The following CFAP54 variants were observed in gnomAD, a reference collection of about 807,000 sequenced individuals.
The protein encoded by CFAP54 is cilia- and flagella-associated protein 54.
In CFAP54, 290 loss-of-function variants were observed where a neutral mutation model predicts 370.4. That is an observed-to-expected ratio of 0.78 (90% CI 0.71 to 0.86). The LOEUF (loss-of-function observed/expected upper bound fraction) is 0.86. Ranked by LOEUF, CFAP54 falls within the 40% of genes least tolerant of loss-of-function variation. CFAP54 has a pLI of 0.00. For missense variants in CFAP54, 3,399 were observed against 3,528.7 expected (o/e 0.96, Z 0.93); for synonymous variants, 1,206 against 1,236.5 (o/e 0.98, Z 0.52).
At chr12:96,585,522 A>G (rs1350664955) in intron 22 of CFAP54, among the ~76,000 whole-genome samples, 2 of 151,726 alleles carry the variant, frequency 1.3e-5, no homozygotes, top group Non-Finnish European at 2.9e-5. Context: ...CCCCCACTTC[A>G]CAGACCTAAG....
At chr12:96,616,446 G>T in intron 26 of CFAP54, among the ~76,000 whole-genome samples, 1 of 152,228 alleles carries the variant, frequency 6.6e-6, no homozygotes, top group Admixed American at 6.5e-5. Flanking sequence ...CACCAACATG[G>T]CACATGTAGA....
chr12:96,555,114 TA>T (rs1213580122), intron 17 of CFAP54: 1 of 183,238 alleles, frequency 5.5e-6, no homozygotes, highest in Non-Finnish European at 1.1e-5. Flanking sequence ...CCAGGCATCG[TA>T]TTAGGCTAGG....
chr12:96,546,973 C>T (rs1180107577), intron 14 of CFAP54, among the ~76,000 whole-genome samples: 1 of 152,114 alleles, frequency 6.6e-6, no homozygotes, highest in African/African-American at 2.4e-5. Flanking sequence ...TTCTGAAGAG[C>T]TGATCAATAT....
intron 48 of CFAP54, among the ~76,000 whole-genome samples, chr12:96,716,897 A>T (rs1957687837): frequency 6.6e-6 from 1 of 152,152 alleles, no homozygotes; most frequent in African/African-American, 2.4e-5. Context: ...TGAAACACAG[A>T]TCCTAGATAT....
intron 14 of CFAP54, among the ~76,000 whole-genome samples, chr12:96,541,584 C>A (rs1955573524): frequency 6.6e-6 from 1 of 152,112 alleles, no homozygotes; most frequent in African/African-American, 2.4e-5. Flanking sequence ...CTGCACCCAA[C>A]CACCTCTCCT....
intron 20 of CFAP54, among the ~76,000 whole-genome samples, chr12:96,577,143 GT>G (rs1163391397): frequency 6.6e-6 from 1 of 152,194 alleles, no homozygotes; most frequent in East Asian, 1.9e-4. Flanking sequence ...TTCAGAGCCA[GT>G]GATGGTATGA....
In CFAP54 at chr12:96,753,719, C is replaced by G. The variant is rs769055191; in HGVS notation, c.7685-24C>G. ...AACACCGTGTATTTTTTTGTTCTTC[C>G]CCACCGAACTGTTTTTCTTTTAGGA... On this transcript the variant is annotated intron_variant, in intron 55 of 67. Coordinates refer to ENST00000524981, the MANE Select transcript of CFAP54 (RefSeq NM_001306084.2). 2.1e-5 allele frequency: 33 copies of G among 1,601,772 alleles called. No homozygotes were observed. The South Asian group carries it at 3.6e-4, about 17-fold the overall frequency.
chr12:96,625,173 A>T (rs978376472), intron 28 of CFAP54, among the ~76,000 whole-genome samples: 2 of 152,188 alleles, frequency 1.3e-5, no homozygotes, highest in African/African-American at 4.8e-5. Context: ...TATACACATT[A>T]AAACTCATGC....
intron 42 of CFAP54, among the ~76,000 whole-genome samples, chr12:96,686,035 A>G (rs575484479): frequency 6.6e-6 from 1 of 152,034 alleles, no homozygotes; most frequent in South Asian, 2.1e-4. Flanking sequence ...TAAAAATTAC[A>G]TGCTATACTG....
intron 54 of CFAP54, 44 bp from the exon 55 acceptor site, chr12:96,743,976 C>A: frequency 6.2e-7 from 1 of 1,602,382 alleles, no homozygotes; most frequent in Non-Finnish European, 8.5e-7. Context: ...CTATTCCAAA[C>A]CACGTCAACT....
At chr12:96,846,779 G>T (rs1282659895) in intron 66 of CFAP54, among the ~76,000 whole-genome samples, 2 of 152,154 alleles carry the variant, frequency 1.3e-5, no homozygotes, top group African/African-American at 4.8e-5. Context: ...GCCAAGGAGG[G>T]AAAGGCACCA....
intron 55 of CFAP54, among the ~76,000 whole-genome samples, chr12:96,748,622 A>G (rs1030764930): frequency 2.0e-5 from 3 of 152,150 alleles, no homozygotes; most frequent in Admixed American, 2.0e-4. Context: ...TCAGTAGCAG[A>G]ATCTTTGGGT....
intron 33 of CFAP54, 34 bp downstream of exon 33, chr12:96,644,442 A>T (rs1486121325): frequency 7.2e-7 from 1 of 1,385,562 alleles, no homozygotes; most frequent in South Asian, 1.2e-5. Context: ...ATACTTTTTT[A>T]GTTTCATGAA....
chr12:96,599,956 G>C (rs1195272303), intron 26 of CFAP54, among the ~76,000 whole-genome samples: 1 of 152,144 alleles, frequency 6.6e-6, no homozygotes, highest in Non-Finnish European at 1.5e-5. Flanking sequence ...TCTGTAGGTT[G>C]CCTGTTCGCT....
intron 25 of CFAP54, among the ~76,000 whole-genome samples, chr12:96,596,548 A>G (rs1956180886): frequency 6.6e-6 from 1 of 152,094 alleles, no homozygotes; most frequent in Non-Finnish European, 1.5e-5. Context: ...TTTGACCCCT[A>G]TTTGTACCAT....
At chr12:96,846,060 A>G (rs1959334793) in intron 66 of CFAP54, among the ~76,000 whole-genome samples, 1 of 152,204 alleles carries the variant, frequency 6.6e-6, no homozygotes, top group South Asian at 2.1e-4. Flanking sequence ...CCAGTCAATA[A>G]ACTCAGGCTT....
chr12:96,850,371 G>A (rs1959505643), intron 66 of CFAP54, among the ~76,000 whole-genome samples: 1 of 152,084 alleles, frequency 6.6e-6, no homozygotes, highest in Non-Finnish European at 1.5e-5. Flanking sequence ...GCCAAGGGCG[G>A]AGCAGGAGTC....
chr12:96,874,408 C>T (rs1431518495), intron 67 of CFAP54, among the ~76,000 whole-genome samples: 3 of 152,134 alleles, frequency 2.0e-5, no homozygotes, highest in African/African-American at 7.2e-5. Context: ...AGAATGAGAG[C>T]TCCTGCTGGA....
intron 24 of CFAP54, among the ~76,000 whole-genome samples, chr12:96,593,202 C>A (rs1352674196): frequency 6.6e-6 from 1 of 152,080 alleles, no homozygotes; most frequent in Admixed American, 6.5e-5. Flanking sequence ...TGGTTATGAA[C>A]ATTGCTGTAT....
Sources: gnomAD v4.1 joint callset for allele counts (sites outside exome capture counted in the v4.1 genomes callset) on GRCh38, gnomAD v4.1.1 for gene constraint, MANE v1.5 for transcripts, NCBI Gene and HGNC (gene_info 2026-07-23, HGNC 2026-07-21) for gene names.